Variants in SCARA3 observed in about 807,000 individuals in gnomAD.
The protein encoded by SCARA3 is cellular stress response gene protein.
In SCARA3, 39 loss-of-function variants were observed where a neutral mutation model predicts 47.0. The observed-to-expected ratio is 0.83, with a 90% CI of 0.64 to 1.08. The LOEUF (loss-of-function observed/expected upper bound fraction) is 1.08, where lower values mean the gene tolerates loss of function less well. Among genes scored for constraint, SCARA3 ranks in the 50% least tolerant of loss-of-function variants. SCARA3 has a pLI of 0.00. For missense variants in SCARA3, 724 were observed against 792.3 expected (o/e 0.91, Z 1.04); for synonymous variants, 356 against 334.1 (o/e 1.07, Z -0.71).
the SCARA3 span, among the ~76,000 whole-genome samples, chr8:27,715,075 A>T: frequency 9.9e-5 from 15 of 152,098 alleles, no homozygotes; most frequent in South Asian, 2.1e-4. The surrounding 1 kb of genome is among the most constrained non-coding windows in gnomAD (Gnocchi z 4.2). Context: ...ACAAGCCACC[A>T]TGCCTGGCTA....
chr8:27,730,975 T>TG, the SCARA3 span, among the ~76,000 whole-genome samples: 2 of 150,870 alleles, frequency 1.3e-5, no homozygotes, highest in Non-Finnish European at 3.0e-5. Context: ...CAGGAGATCC[T>TG]GGGGGGCCAC....
Position 27,658,707 on chromosome 8 carries a change from C to A in SCARA3, c.537C>A (p.His179Gln), listed in dbSNP as rs199520050. 1.8e-5 allele frequency: 29 copies of A among 1,613,976 alleles called. No homozygotes were observed. Among genetic ancestry groups the A allele is most frequent in the Middle Eastern group, 1.6e-4 (1 of 6,084 alleles). ...QEMGSCSFSI[H>Q]QVNQSLGLFL... The stretch of plus-strand genomic sequence containing the variant: ...TGGGCAGTTGCTCCTTCTCCATCCA[C>A]CAGGTTAACCAGTCTCTGGGGCTCT... Residue 179 changes from histidine to glutamine, a missense_variant, in exon 5 of 6, where the codon CAC (histidine) becomes CAA (glutamine). His to Gln is a conservative substitution (Grantham distance 24). Coordinates refer to ENST00000301904, the MANE Select transcript of SCARA3 (RefSeq NM_016240.3).
chr8:27,725,516 C>T, the SCARA3 span, among the ~76,000 whole-genome samples: 1 of 135,870 alleles, frequency 7.4e-6, no homozygotes, highest in Non-Finnish European at 1.6e-5. Flanking sequence ...ATGGTCCAAA[C>T]CACTGCCCCC....
the SCARA3 span, among the ~76,000 whole-genome samples, chr8:27,731,190 C>T: frequency 6.6e-6 from 1 of 150,856 alleles, no homozygotes; most frequent in African/African-American, 2.4e-5. Context: ...GAATCAAACT[C>T]CTGGGCTCAA....
chr8:27,668,027 T>C (rs1295293307), intron 5 of SCARA3, among the ~76,000 whole-genome samples: 1 of 152,138 alleles, frequency 6.6e-6, no homozygotes, highest in African/African-American at 2.4e-5. Flanking sequence ...CCCTTCTCCC[T>C]GCATCCTCCC....
the SCARA3 span, among the ~76,000 whole-genome samples, chr8:27,710,915 A>ATTTT: frequency 5.0e-4 from 48 of 96,758 alleles, no homozygotes; most frequent in African/African-American, 1.8e-3. Context: ...CTCATAGGTG[A>ATTTT]TTTTTTTTTT....
At chr8:27,695,657 C>T in the SCARA3 span, among the ~76,000 whole-genome samples, 1 of 151,668 alleles carries the variant, frequency 6.6e-6, no homozygotes, top group Non-Finnish European at 1.5e-5. Flanking sequence ...TAATGAGTGA[C>T]AAAATAGGGA....
At chr8:27,691,539 C>T in the SCARA3 span, among the ~76,000 whole-genome samples, 1 of 152,076 alleles carries the variant, frequency 6.6e-6, no homozygotes, top group Non-Finnish European at 1.5e-5. Context: ...AGGCTGCTTG[C>T]ACCCAGTGAA....
chr8:27,638,066 C>T (rs1407590867), intron 1 of SCARA3, among the ~76,000 whole-genome samples: 1 of 152,142 alleles, frequency 6.6e-6, no homozygotes, highest in Admixed American at 6.5e-5. Flanking sequence ...CTCCCACCCC[C>T]AGCCAAAACA....
chr8:27,728,646 A>C, the SCARA3 span, among the ~76,000 whole-genome samples: 1 of 152,246 alleles, frequency 6.6e-6, no homozygotes. Flanking sequence ...GGTGAGCTGA[A>C]GTTCTGAATT....
At chr8:27,650,994 G>A (rs1801619891) in intron 2 of SCARA3, among the ~76,000 whole-genome samples, 1 of 152,152 alleles carries the variant, frequency 6.6e-6, no homozygotes, top group Non-Finnish European at 1.5e-5. Context: ...TCAAGTGCTG[G>A]GATTACAGGC....
At chr8:27,687,235 G>C in the SCARA3 span, among the ~76,000 whole-genome samples, 289 of 152,252 alleles carry the variant, frequency 1.9e-3, no homozygotes, top group African/African-American at 6.4e-3. Context: ...TTAGAAGACT[G>C]AAAGCCTGGA....
In SCARA3 at chr8:27,671,541, CAT is replaced by C. The variant is rs1338219108; in HGVS notation, c.*192_*193del. ...CATAGGAAAGCAGCCCCTCCTCACA[CAT>C]ACATGTGCACATGCACACACATGCA... On this transcript the variant is annotated 3_prime_UTR_variant, in exon 6 of 6. Transcript: ENST00000301904. 24 of 1,290,656 alleles carry C rather than the reference CAT, an allele frequency of 1.9e-5. No individual in the cohort carries two copies. The highest frequency in any genetic ancestry group is 6.1e-5 in the East Asian group (2 of 32,784). 80.0% of individuals were successfully genotyped at this position (1,290,656 alleles called of 1,614,324 possible). A position where few individuals can be genotyped will look rare whatever the true frequency, so the allele number is the denominator to read the frequency against.
the SCARA3 span, chr8:27,733,297 ATC>A: frequency 3.3e-5 from 5 of 152,194 alleles, no homozygotes; most frequent in Admixed American, 3.3e-4. Flanking sequence ...AAGAAGTGAA[ATC>A]TCTCTCACAC....
At chr8:27,724,300 GT>G in the SCARA3 span, among the ~76,000 whole-genome samples, 2 of 152,180 alleles carry the variant, frequency 1.3e-5, no homozygotes, top group African/African-American at 4.8e-5. Context: ...AAGCAAGGTT[GT>G]TTTTTGACAA....
the SCARA3 span, among the ~76,000 whole-genome samples, chr8:27,681,889 T>C: frequency 6.6e-6 from 1 of 152,238 alleles, no homozygotes; most frequent in East Asian, 1.9e-4. Flanking sequence ...CCAGCATGTA[T>C]TGTTTTGATT....
At chr8:27,661,639 C>T (rs1465865433) in intron 5 of SCARA3, among the ~76,000 whole-genome samples, 1 of 152,066 alleles carries the variant, frequency 6.6e-6, no homozygotes, top group Non-Finnish European at 1.5e-5. Context: ...CCATGACAGT[C>T]CTTGTTGCTG....
intron 4 of SCARA3, 51 bp from the exon 5 acceptor site, chr8:27,658,445 G>A (rs372801614): frequency 3.1e-5 from 46 of 1,482,430 alleles, no homozygotes; most frequent in Middle Eastern, 3.7e-4. Context: ...AAGAGGAAGC[G>A]TCGTACCCTG....
At chr8:27,639,295 G>A (rs1463770152) in intron 1 of SCARA3, among the ~76,000 whole-genome samples, 2 of 152,176 alleles carry the variant, frequency 1.3e-5, no homozygotes, top group East Asian at 1.9e-4. Flanking sequence ...CACCTGAGAC[G>A]AGAACCGAAT....
Sources: allele counts gnomAD v4.1 joint callset (sites outside exome capture counted in the v4.1 genomes callset), GRCh38; gene constraint gnomAD v4.1.1; non-coding constraint Gnocchi (gnomAD v3.1); transcripts MANE v1.5; gene names NCBI Gene and HGNC (gene_info 2026-07-23, HGNC 2026-07-21).